Variants in PLXDC1 observed in about 807,000 individuals in gnomAD.
PLXDC1 encodes plexin domain containing 1, also known as plexin domain-containing protein 1.
In PLXDC1, 39 loss-of-function variants were observed where a neutral mutation model predicts 61.3. The observed-to-expected ratio is 0.64, with a 90% confidence interval of 0.49 to 0.83. The LOEUF is 0.83. PLXDC1 is among the 40% of genes least tolerant of loss of function. PLXDC1 has a pLI of 0.00. For missense variants in PLXDC1, 596 were observed against 666.5 expected (o/e 0.89, Z 1.17); for synonymous variants, 212 against 254.5 (o/e 0.83, Z 1.59).
chr17:39,131,915 C>G (rs1368761138), intron 2 of PLXDC1: 1 of 152,660 alleles, frequency 6.6e-6, no homozygotes, highest in Admixed American at 6.5e-5. Context: ...TTGTAGAAAC[C>G]AGGCAGGTCT....
intron 1 of PLXDC1, among the ~76,000 whole-genome samples, chr17:39,140,774 G>A (rs1241594090): frequency 1.3e-5 from 2 of 152,208 alleles, no homozygotes; most frequent in Non-Finnish European, 2.9e-5. Context: ...AGAAGCCAGA[G>A]TTCTTTTCGT....
intron 2 of PLXDC1, among the ~76,000 whole-genome samples, chr17:39,128,125 A>ATGTGTATATATGTATATATATG (rs1567769601): frequency 1.1e-4 from 4 of 36,758 alleles, no homozygotes; most frequent in African/African-American, 4.5e-4. Flanking sequence ...GTATATATAT[A>ATGTGTATATATGTATATATATG]TGTGTATATA....
rs756822714 is a variant in PLXDC1, at chr17:39,078,035, A to G, written c.1064T>C (p.Met355Thr). Residue 355 changes from methionine (M) to threonine (T), a missense_variant, in exon 11 of 14, where the codon ATG becomes ACG. Physicochemically the swap from Met to Thr is moderately conservative, Grantham distance 81. Transcript: ENST00000315392. ...YGCAQEAEGR[M>T]CEDFQDEDHD... is the part of the protein sequence containing the mutation. The stretch of plus-strand genomic sequence containing the variant: ...GTCCTCATCCTGGAAGTCCTCGCAC[A>G]TCCTGCCCTCTGCCTGCAGGAGAGA... 1 of 1,608,808 alleles carries G rather than the reference A, an allele frequency of 6.2e-7. No homozygotes were observed. The highest frequency in any genetic ancestry group is 1.1e-5 in the South Asian group (1 of 90,214).
intron 1 of PLXDC1, among the ~76,000 whole-genome samples, chr17:39,148,878 A>T (rs2045357123): frequency 6.6e-6 from 1 of 152,090 alleles, no homozygotes; most frequent in Non-Finnish European, 1.5e-5. Context: ...CCCCCATTTT[A>T]TAGACGGGGA....
intron 2 of PLXDC1, among the ~76,000 whole-genome samples, chr17:39,113,650 G>A (rs561888980): frequency 6.6e-6 from 1 of 152,112 alleles, no homozygotes; most frequent in Admixed American, 6.5e-5. Flanking sequence ...AGACCAGCCT[G>A]GGCAACATAG....
At chr17:39,079,611 T>C (rs1167837355) in intron 9 of PLXDC1, 2 of 452,634 alleles carry the variant, frequency 4.4e-6, no homozygotes, top group Admixed American at 4.7e-5. Context: ...TTCAAGGGCA[T>C]TTCTGACGGT....
chr17:39,139,607 T>A, intron 2 of PLXDC1, 47 bp downstream of exon 2: 2 of 1,504,872 alleles, frequency 1.3e-6, no homozygotes, highest in Non-Finnish European at 1.8e-6. Context: ...TGGTGAGACC[T>A]CCCCCACCCC....
intron 7 of PLXDC1, among the ~76,000 whole-genome samples, chr17:39,098,703 A>G (rs935675627): frequency 9.2e-5 from 14 of 152,190 alleles, no homozygotes; most frequent in African/African-American, 3.1e-4. Flanking sequence ...GGTTACTTGC[A>G]CAGCATCTGA....
At chr17:39,123,341 C>T (rs1911222978) in intron 2 of PLXDC1, among the ~76,000 whole-genome samples, 2 of 152,198 alleles carry the variant, frequency 1.3e-5, no homozygotes, top group African/African-American at 4.8e-5. Flanking sequence ...CAGATGTGAG[C>T]CACCACACCA....
intron 7 of PLXDC1, among the ~76,000 whole-genome samples, chr17:39,091,385 G>C (rs910405027): frequency 6.6e-6 from 1 of 152,208 alleles, no homozygotes; most frequent in African/African-American, 2.4e-5. Flanking sequence ...TTCCTACCAG[G>C]AGGATGACAG....
At chr17:39,119,812 A>G (rs1475385989) in intron 2 of PLXDC1, among the ~76,000 whole-genome samples, 1 of 151,994 alleles carries the variant, frequency 6.6e-6, no homozygotes. Flanking sequence ...TGAGAAACTA[A>G]ATTTCTGGGA....
rs1244037726 is a variant in PLXDC1 at position 39,079,146 on chromosome 17, G to T, written c.1008C>A (p.Asp336Glu). ...AGTCCATCCACTCCTGGCGATAGCG[G>T]TCAAAGCCACTGGAGCATCTGCAGG... is the stretch of plus-strand genomic sequence containing the variant. ...HVLQRCSSGF[D>E]RYRQEWMDYG... Residue 336 changes from aspartate (D) to glutamate (E), a missense_variant, in exon 10 of 14, where the codon GAC (aspartate) becomes GAA (glutamate). Coordinates refer to ENST00000315392, the MANE Select transcript of PLXDC1 (RefSeq NM_020405.5). The T allele has an allele frequency of 6.2e-7, 1 of 1,613,868 alleles. No homozygotes were observed. The highest frequency in any genetic ancestry group is 8.5e-7 in the Non-Finnish European group (1 of 1,179,794).
At position 39,075,169 on chromosome 17, in the gene PLXDC1, G is replaced by T. The variant is rs543058914; in HGVS notation, c.1187-2684C>A. Among the ~76,000 whole-genome samples, 12 of 152,248 alleles carry T rather than the reference G, an allele frequency of 7.9e-5. No individual in the cohort carries two copies. In the East Asian group the frequency reaches 9.7e-4, roughly 12 times the overall value. On this transcript the variant is annotated intron_variant, in intron 11 of 13. Transcript: ENST00000315392. ...AGACATAGTTTTGCCATGTTGCCCA[G>T]GCTGGTCTCGAACTCCTGAGCTCAA...
chr17:39,107,665 G>A lies in PLXDC1; in HGVS notation c.593-140C>T, dbSNP rs745505087. 3.1e-5 allele frequency: 22 copies of A among 714,194 alleles called. No homozygotes were observed. The South Asian group carries it at 3.3e-4, about 11-fold the overall frequency. 44.2% of individuals were successfully genotyped at this position (714,194 alleles called of 1,614,324 possible). On this transcript the variant is annotated intron_variant, in intron 5 of 13. Coordinates refer to ENST00000315392, the MANE Select transcript of PLXDC1 (RefSeq NM_020405.5). ...GAAGTTTGCAAAGGTAAGGAGGCAG[G>A]AGCTGGGCAGCTCACTAAAGCAGCG...
chr17:39,128,119 A>ATATATATATATATATATATGTG (rs1911393978), intron 2 of PLXDC1, among the ~76,000 whole-genome samples: 1 of 124,804 alleles, frequency 8.0e-6, no homozygotes, highest in African/African-American at 3.3e-5. Flanking sequence ...ATATATGTAT[A>ATATATATATATATATATATGTG]TATATATGTG....
intron 13 of PLXDC1, among the ~76,000 whole-genome samples, chr17:39,069,457 G>A (rs1173663395): frequency 1.3e-5 from 2 of 152,116 alleles, no homozygotes; most frequent in Non-Finnish European, 2.9e-5. Context: ...AGAGACCCTG[G>A]TTCCCTCATG....
At chr17:39,092,889 C>T (rs974278982) in intron 7 of PLXDC1, among the ~76,000 whole-genome samples, 1 of 152,098 alleles carries the variant, frequency 6.6e-6, no homozygotes, top group East Asian at 1.9e-4. Context: ...AATACTTCCA[C>T]GGTAGCTGAC....
chr17:39,124,682 C>T (rs557014157), intron 2 of PLXDC1, among the ~76,000 whole-genome samples: 1 of 152,350 alleles, frequency 6.6e-6, no homozygotes, highest in East Asian at 1.9e-4. Context: ...GGTTTTGCCA[C>T]TTACTGGCTG....
At chr17:39,125,976 G>A (rs1220265211) in intron 2 of PLXDC1, among the ~76,000 whole-genome samples, 1 of 152,088 alleles carries the variant, frequency 6.6e-6, no homozygotes. Flanking sequence ...CACATGGGCC[G>A]GGCGCGGTGG....
Sources: gnomAD v4.1 joint callset for allele counts (sites outside exome capture counted in the v4.1 genomes callset) on GRCh38, gnomAD v4.1.1 for gene constraint, MANE v1.5 for transcripts, NCBI Gene and HGNC (gene_info 2026-07-23, HGNC 2026-07-21) for gene names.